MSRA: variants seen among roughly 807,000 people sequenced by gnomAD.
MSRA encodes methionine sulfoxide reductase A, also known as mitochondrial peptide methionine sulfoxide reductase.
A neutral mutation model predicts 31.3 loss-of-function variants in MSRA; 54 were observed. That is an observed-to-expected ratio of 1.73 (90% CI 1.39 to 2.17). MSRA has a LOEUF of 2.17. Among genes scored for constraint, MSRA ranks in the 30% most tolerant of loss-of-function variants. The probability of loss-of-function intolerance (pLI) is 0.00; values close to 1 mark genes in which losing one functional copy is unlikely to be tolerated. For missense variants in MSRA, 507 were observed against 300.9 expected, an observed-to-expected ratio of 1.69 and a Z score of -5.07; for synonymous variants, 169 against 116.5, an observed-to-expected ratio of 1.45 and a Z score of -2.90.
intron 3 of MSRA, among the ~76,000 whole-genome samples, chr8:10,255,807 T>TA (rs565051478): frequency 0.034 from 5,188 of 151,112 alleles, 145 homozygotes; most frequent in Admixed American, 0.057. Flanking sequence ...GTTTTTTTTT[T>TA]AAAAAACAAG....
Position 10,074,333 on chromosome 8 carries a change from C to T in MSRA, c.142+19675C>T, listed in dbSNP as rs188239364. Among the ~76,000 whole-genome samples the T allele has an allele frequency of 1.5e-3, 235 of 152,020 alleles. 2 individuals are homozygous for T. Among genetic ancestry groups the T allele is most frequent in the African/African-American group, 4.4e-3 (184 of 41,450 alleles). On this transcript the variant is annotated intron_variant, in intron 1 of 5. Transcript: ENST00000317173. ...TCCTGACCTCGTGATCTGCCTGCCT[C>T]GGCCTCCCAAAGTGCTGGGATTACA...
At chr8:10,216,508 C>T (rs1440780364) in intron 2 of MSRA, among the ~76,000 whole-genome samples, 1 of 152,180 alleles carries the variant, frequency 6.6e-6, no homozygotes, top group East Asian at 1.9e-4. Context: ...GTACCCATCA[C>T]CACCATCTAG....
intron 1 of MSRA, among the ~76,000 whole-genome samples, chr8:10,145,895 A>G (rs2129033514): frequency 6.6e-6 from 1 of 152,290 alleles, no homozygotes; most frequent in East Asian, 1.9e-4. Flanking sequence ...TTGTTTCATC[A>G]TTACTATTAT....
intron 5 of MSRA, among the ~76,000 whole-genome samples, chr8:10,427,127 A>T (rs952390171): frequency 6.6e-6 from 1 of 152,312 alleles, no homozygotes; most frequent in African/African-American, 2.4e-5. Flanking sequence ...GGACCAGTGG[A>T]CAGTCAGAGT....
intron 1 of MSRA, among the ~76,000 whole-genome samples, chr8:10,129,761 G>A (rs1801765650): frequency 6.6e-6 from 1 of 152,302 alleles, no homozygotes; most frequent in African/African-American, 2.4e-5. Flanking sequence ...AAGACATTCT[G>A]TGTTTGTAAG....
chr8:10,403,661 A>C (rs551619347), intron 5 of MSRA, among the ~76,000 whole-genome samples: 1 of 152,352 alleles, frequency 6.6e-6, no homozygotes, highest in East Asian at 1.9e-4. Flanking sequence ...GGCCTGGCTC[A>C]TGGGTGCTTT....
intron 1 of MSRA, among the ~76,000 whole-genome samples, chr8:10,164,082 G>A (rs763385400): frequency 6.6e-6 from 1 of 152,170 alleles, no homozygotes; most frequent in Non-Finnish European, 1.5e-5. Flanking sequence ...CTGTTCTCCT[G>A]TTAATCTGTC....
At chr8:10,258,477 C>T (rs1458846476) in intron 3 of MSRA, among the ~76,000 whole-genome samples, 2 of 152,268 alleles carry the variant, frequency 1.3e-5, no homozygotes, top group African/African-American at 4.8e-5. Flanking sequence ...ATTCTTGTGA[C>T]ACCTGGAGCA....
At chr8:10,200,258 A>G (rs1028789067) in intron 1 of MSRA, among the ~76,000 whole-genome samples, 1 of 152,148 alleles carries the variant, frequency 6.6e-6, no homozygotes, top group African/African-American at 2.4e-5. Context: ...ATCCTGAATG[A>G]CACCTGATTT....
intron 3 of MSRA, among the ~76,000 whole-genome samples, chr8:10,256,424 T>C (rs1243507329): frequency 6.6e-6 from 1 of 152,202 alleles, no homozygotes; most frequent in Admixed American, 6.5e-5. Flanking sequence ...ATGAAGCTGC[T>C]GTCAACATAG....
intron 5 of MSRA, among the ~76,000 whole-genome samples, chr8:10,341,388 T>A (rs566854243): frequency 6.6e-5 from 10 of 151,838 alleles, no homozygotes; most frequent in African/African-American, 2.4e-4. Context: ...AAAGACCAGA[T>A]CTCCTGTGCA....
At chr8:10,219,131 T>A (rs1810260775) in intron 2 of MSRA, among the ~76,000 whole-genome samples, 1 of 152,216 alleles carries the variant, frequency 6.6e-6, no homozygotes, top group East Asian at 1.9e-4. Context: ...TTCAAACTGT[T>A]GAAATGATAG....
At chr8:10,104,884 A>T (rs987380622) in intron 1 of MSRA, among the ~76,000 whole-genome samples, 1 of 152,134 alleles carries the variant, frequency 6.6e-6, no homozygotes, top group Non-Finnish European at 1.5e-5. Context: ...GGTTTCCAGT[A>T]CCCATTTATA....
intron 1 of MSRA, among the ~76,000 whole-genome samples, chr8:10,152,211 G>T (rs1329873196): frequency 6.6e-6 from 1 of 152,186 alleles, no homozygotes; most frequent in Non-Finnish European, 1.5e-5. Flanking sequence ...AAAACTGTCT[G>T]TGTGCAAATA....
At chr8:10,225,222 G>T (rs960427723) in intron 2 of MSRA, among the ~76,000 whole-genome samples, 1 of 152,160 alleles carries the variant, frequency 6.6e-6, no homozygotes, top group African/African-American at 2.4e-5. Context: ...TCTAACCACT[G>T]CACACCCTCC....
chr8:10,110,003 C>T (rs1800164567), intron 1 of MSRA, among the ~76,000 whole-genome samples: 1 of 152,094 alleles, frequency 6.6e-6, no homozygotes, highest in South Asian at 2.1e-4. Context: ...GCTGTATCAC[C>T]TCTTGTTCCC....
chr8:10,132,995 G>C (rs990398213), intron 1 of MSRA, among the ~76,000 whole-genome samples: 13 of 152,282 alleles, frequency 8.5e-5, no homozygotes, highest in Admixed American at 7.8e-4. Context: ...GCACCATATG[G>C]GGTCCTGCCT....
chr8:10,425,942 T>G (rs1809131360), intron 5 of MSRA, among the ~76,000 whole-genome samples: 1 of 152,224 alleles, frequency 6.6e-6, no homozygotes, highest in Admixed American at 6.5e-5. Context: ...CCGTGCCTTT[T>G]TCTCTTCTCC....
intron 1 of MSRA, among the ~76,000 whole-genome samples, chr8:10,099,079 C>T (rs183706502): frequency 6.6e-6 from 1 of 151,876 alleles, no homozygotes; most frequent in Non-Finnish European, 1.5e-5. Flanking sequence ...TTTCTATATT[C>T]TAGTGGTTCG....
Sources: allele counts gnomAD v4.1 joint callset (sites outside exome capture counted in the v4.1 genomes callset), GRCh38; gene constraint gnomAD v4.1.1; transcripts MANE v1.5; gene names NCBI Gene and HGNC (gene_info 2026-07-23, HGNC 2026-07-21).